The following UNC93B1 variants were observed in gnomAD, a reference collection of about 807,000 sequenced individuals.
UNC93B1 encodes the protein unc-93B1 regulator of TLR signaling, also known as protein unc-93 homolog B1.
In UNC93B1, 33 loss-of-function variants were observed where a neutral mutation model predicts 56.8. That is an observed-to-expected ratio of 0.58 (90% CI 0.44 to 0.78). UNC93B1 has a LOEUF of 0.78. Among genes scored for constraint, UNC93B1 ranks in the 30% least tolerant of loss-of-function variants. UNC93B1 has a pLI of 0.00. For missense variants in UNC93B1, 673 were observed against 819.5 expected, an observed-to-expected ratio of 0.82 and a Z score of 2.18; for synonymous variants, 334 against 358.6, an observed-to-expected ratio of 0.93 and a Z score of 0.77.
At chr11:67,999,395 G>A (rs753963535) in intron 4 of UNC93B1, 90 bp from the exon 5 acceptor site, 48 of 1,551,152 alleles carry the variant, frequency 3.1e-5, no homozygotes, top group Admixed American at 1.4e-4. Flanking sequence ...GACCAGCCCC[G>A]GTGTGGGGAA....
chr11:67,999,040 C>T (rs1248247613), intron 5 of UNC93B1, 133 bp downstream of exon 5: 3 of 1,399,070 alleles, frequency 2.1e-6, no homozygotes, highest in African/African-American at 1.4e-5. Flanking sequence ...ATCTGGGCAA[C>T]ATAGTGAGAC....
intron 4 of UNC93B1, 72 bp from the exon 5 acceptor site, chr11:67,999,377 T>C: frequency 6.4e-7 from 1 of 1,559,102 alleles, no homozygotes; most frequent in Admixed American, 1.9e-5. Context: ...CACCCAGAGC[T>C]AGGAGCAGAC....
At position 68,000,870 on chromosome 11, in the gene UNC93B1, C is replaced by T. The variant is rs138204549; in HGVS notation, c.393-1190G>A. Among the ~76,000 whole-genome samples the T allele has an allele frequency of 4.5e-3, 683 of 152,208 alleles. 7 individuals are homozygous for T. Among genetic ancestry groups the T allele is most frequent in the African/African-American group, 0.015 (630 of 41,536 alleles). On this transcript the variant is annotated intron_variant, in intron 3 of 10. Coordinates refer to ENST00000227471, the MANE Select transcript of UNC93B1 (RefSeq NM_030930.4). ...ATGTCTAAGACTGGAGCAGCTTCCTCAAATTATTGGGAATGAAATTGCGCT... is the reference window on the plus strand; with the variant it reads ...ATGTCTAAGACTGGAGCAGCTTCCTTAAATTATTGGGAATGAAATTGCGCT...
chr11:67,993,346 T>G (rs1856880915), intron 10 of UNC93B1, among the ~76,000 whole-genome samples: 1 of 152,266 alleles, frequency 6.6e-6, no homozygotes, highest in Non-Finnish European at 1.5e-5. Context: ...CGAGCCACCA[T>G]TTTTTGTGAG....
At chr11:67,997,928 T>C in intron 6 of UNC93B1, 129 bp from the exon 7 acceptor site, 1 of 1,386,420 alleles carries the variant, frequency 7.2e-7, no homozygotes, top group Non-Finnish European at 9.8e-7. Context: ...AAGGGCAGAG[T>C]TCCTTCAGAG....
chr11:67,991,345 C>T lies in UNC93B1; in HGVS notation c.*201G>A. 1 of 502,718 alleles carries T rather than the reference C, an allele frequency of 2.0e-6. No homozygotes were observed. Among genetic ancestry groups the T allele is most frequent in the East Asian group, 3.6e-5 (1 of 28,102 alleles). The allele number at this position is 502,718 out of a possible 1,614,324, so 31.1% of individuals were successfully genotyped here. ...AACCCCTGTGCTTGGCCGAGGGGTT[C>T]CCAAGGCTCCACTCCGCCTTGGAGG... is the stretch of plus-strand genomic sequence containing the variant. On this transcript the variant is annotated 3_prime_UTR_variant, in exon 11 of 11. Coordinates refer to ENST00000227471, the MANE Select transcript of UNC93B1 (RefSeq NM_030930.4).
chr11:67,993,150 G>C (rs1203853932), intron 10 of UNC93B1, among the ~76,000 whole-genome samples: 1 of 152,044 alleles, frequency 6.6e-6, no homozygotes, highest in East Asian at 1.9e-4. Context: ...CACCACGCCC[G>C]GCTAATTTTT....
At position 67,991,458 on chromosome 11, in the gene UNC93B1, C is replaced by G; in HGVS notation, c.*88G>C. On this transcript the variant is annotated 3_prime_UTR_variant, in exon 11 of 11. Coordinates refer to ENST00000227471, the MANE Select transcript of UNC93B1 (RefSeq NM_030930.4). ...GAGACAGGGGCCTTTGAAGACAGCGCGGGACTCGGAGGGGGTCCCCCCGAC... is the reference window on the plus strand; with the variant it reads ...GAGACAGGGGCCTTTGAAGACAGCGGGGGACTCGGAGGGGGTCCCCCCGAC... 1 of 1,273,376 alleles carries G rather than the reference C, an allele frequency of 7.9e-7. No homozygotes were observed. Among genetic ancestry groups the G allele is most frequent in the Non-Finnish European group, 1.0e-6 (1 of 984,964 alleles). 78.9% of individuals were successfully genotyped at this position (1,273,376 alleles called of 1,614,324 possible).
At chr11:67,994,768 A>G (rs1365207506) in intron 9 of UNC93B1, among the ~76,000 whole-genome samples, 1 of 152,236 alleles carries the variant, frequency 6.6e-6, no homozygotes, top group Admixed American at 6.5e-5. Flanking sequence ...CCGCCCTGCC[A>G]GCAGCAGGCA....
chr11:67,991,964 C>G (rs1168078279), intron 10 of UNC93B1, 107 bp from the exon 11 acceptor site: 30 of 1,216,216 alleles, frequency 2.5e-5, no homozygotes, highest in Non-Finnish European at 3.2e-5. Context: ...GGGAGCCTCC[C>G]GGGCCACGCG....
chr11:67,997,534 C>A (rs887559135), intron 7 of UNC93B1, 141 bp downstream of exon 7: 3 of 1,410,566 alleles, frequency 2.1e-6, no homozygotes, highest in African/African-American at 1.4e-5. Flanking sequence ...CAACTCAGAT[C>A]GCGCTCCCAG....
Position 68,003,365 on chromosome 11 carries a change from A to C in UNC93B1, c.239-190T>G. ...CCAGCCCGCGGCCACTTGGCCAGCT[A>C]AGCCCAGACCCCCACCCGCCTTGCT... On this transcript the variant is annotated intron_variant, in intron 2 of 10. Coordinates refer to ENST00000227471, the MANE Select transcript of UNC93B1 (RefSeq NM_030930.4). This position sits in a 1 kb window ranked among gnomAD's most constrained non-coding sequence, Gnocchi z 4.4. 1 of 882,890 alleles carries C rather than the reference A, an allele frequency of 1.1e-6. No homozygotes were observed. The highest frequency in any genetic ancestry group is 1.6e-6 in the Non-Finnish European group (1 of 606,840). The allele number at this position is 882,890 out of a possible 1,614,324, so 54.7% of individuals were successfully genotyped here.
At chr11:67,998,248 G>A in intron 6 of UNC93B1, 111 bp downstream of exon 6, 1 of 1,263,404 alleles carries the variant, frequency 7.9e-7, no homozygotes. Flanking sequence ...GCCCACCAGA[G>A]CCGTGGGGCA....
In UNC93B1 at chr11:67,998,266, G is replaced by T. The variant is rs1856983491; in HGVS notation, c.781+93C>A. 3.4e-6 allele frequency: 5 copies of T among 1,459,092 alleles called. No homozygotes were observed. The East Asian group carries it at 1.1e-4, about 33-fold the overall frequency. 90.4% of individuals were successfully genotyped at this position (1,459,092 alleles called of 1,614,324 possible). On this transcript the variant is annotated intron_variant, in intron 6 of 10. Coordinates refer to ENST00000227471, the MANE Select transcript of UNC93B1 (RefSeq NM_030930.4). Reference sequence around the variant, plus strand: ...CACCAGAGCCGTGGGGCACTGGGCTGCCAGCCCTGAATCCTGTGAGTGAGG... The same window carrying T: ...CACCAGAGCCGTGGGGCACTGGGCTTCCAGCCCTGAATCCTGTGAGTGAGG...
At chr11:67,992,274 A>T (rs1856857563) in intron 10 of UNC93B1, among the ~76,000 whole-genome samples, 2 of 152,190 alleles carry the variant, frequency 1.3e-5, no homozygotes, top group Non-Finnish European at 2.9e-5. Flanking sequence ...ATGATTTCAC[A>T]CCATAGCCCA....
At chr11:67,999,044 G>A in intron 5 of UNC93B1, 129 bp downstream of exon 5, 1 of 1,415,334 alleles carries the variant, frequency 7.1e-7, no homozygotes, top group Non-Finnish European at 9.4e-7. Flanking sequence ...GGGCAACATA[G>A]TGAGACCAGG....
chr11:68,003,096 G>T lies in UNC93B1; in HGVS notation c.318C>A (p.Asp106Glu), dbSNP rs1382577120. ...EVKYGNMGLP[D>E]IDSKMLMGIN... ...TGCCCATCAGCATTTTGCTGTCGAT[G>T]TCGGGCAGCCCCATGTTGCCATACT... is the stretch of plus-strand genomic sequence containing the variant. The change falls in exon 3 of 11, where the codon GAC (aspartate) becomes GAA (glutamate). Residue 106 changes from aspartate (D) to glutamate (E), a missense_variant. By Grantham distance (45) the Asp-to-Glu change is conservative (BLOSUM62 2). Coordinates refer to ENST00000227471, the MANE Select transcript of UNC93B1 (RefSeq NM_030930.4). This position sits in a 1 kb window ranked among gnomAD's most constrained non-coding sequence, Gnocchi z 4.4. 6.2e-7 allele frequency: 1 copy of T among 1,613,622 alleles called. No individual in the cohort carries two copies. The highest frequency in any genetic ancestry group is 1.1e-5 in the South Asian group (1 of 91,020).
chr11:68,001,233 A>C (rs1327772356), intron 3 of UNC93B1, among the ~76,000 whole-genome samples: 1 of 152,114 alleles, frequency 6.6e-6, no homozygotes, highest in Admixed American at 6.5e-5. Context: ...AATAAAATAG[A>C]GTGTCGGGCA....
intron 4 of UNC93B1, 106 bp from the exon 5 acceptor site, chr11:67,999,411 G>A: frequency 6.5e-7 from 1 of 1,548,764 alleles, no homozygotes. Flanking sequence ...GGGAAACTGA[G>A]GCCCAGAGGG....
Sources: allele counts gnomAD v4.1 joint callset (sites outside exome capture counted in the v4.1 genomes callset), GRCh38; gene constraint gnomAD v4.1.1; non-coding constraint Gnocchi (gnomAD v3.1); transcripts MANE v1.5; gene names NCBI Gene and HGNC (gene_info 2026-07-23, HGNC 2026-07-21).